TUBGCP6: variants seen among roughly 807,000 people sequenced by gnomAD.
TUBGCP6 encodes the protein gamma-tubulin complex component 6.
In TUBGCP6, 161 loss-of-function variants were observed where a neutral mutation model predicts 175.8. The observed-to-expected ratio is 0.92, with a 90% CI of 0.81 to 1.04. The LOEUF (loss-of-function observed/expected upper bound fraction) is 1.04. Among genes scored for constraint, TUBGCP6 ranks in the 50% least tolerant of loss-of-function variants. The probability of loss-of-function intolerance (pLI) is 0.00; values close to 1 mark genes in which losing one functional copy is unlikely to be tolerated. For synonymous variants in TUBGCP6, 1,173 were observed against 1,030.5 expected (o/e 1.14, Z -2.65); for missense variants, 2,572 against 2,433.0 (o/e 1.06, Z -1.20).
In TUBGCP6 at chr22:50,220,764, C is replaced by A; in HGVS notation, c.3595G>T (p.Gly1199Trp). Residue 1199 changes from glycine (G) to tryptophan (W), a missense_variant, in exon 16 of 25, where the codon GGG becomes TGG. By Grantham distance (184) the Gly-to-Trp change is radical (BLOSUM62 -2). Coordinates refer to ENST00000248846, the MANE Select transcript of TUBGCP6 (RefSeq NM_020461.4). ...GGAGCCATGTCTGACACAGACTCCCCCAAGCTGATGCTGGCATCAGACACG... is the reference window on the plus strand; with the variant it reads ...GGAGCCATGTCTGACACAGACTCCCACAAGCTGATGCTGGCATCAGACACG... ...GHVSDASISL[G>W]ESVSDMAPTR... 1 of 1,604,724 alleles carries A rather than the reference C, an allele frequency of 6.2e-7. No individual in the cohort carries two copies. The highest frequency in any genetic ancestry group is 8.5e-7 in the Non-Finnish European group (1 of 1,177,292).
rs1442345659 is a variant in TUBGCP6, at chr22:50,225,733, G to A, written c.1983+61C>T. The stretch of plus-strand genomic sequence containing the variant: ...GCCCTCATGTCCGCCCCACCAACCT[G>A]AGACCCCAGGAAGCAGAGGCAGGGG... On this transcript the variant is annotated intron_variant, in intron 10 of 24. Coordinates refer to ENST00000248846, the MANE Select transcript of TUBGCP6 (RefSeq NM_020461.4). 20 of 1,557,232 alleles carry A rather than the reference G, an allele frequency of 1.3e-5. No individual in the cohort carries two copies. The Admixed American group carries it at 3.1e-4, about 24-fold the overall frequency.
In TUBGCP6 at chr22:50,244,919, C is replaced by T; in HGVS notation, c.-460G>A. 4.7e-6 allele frequency: 1 copy of T among 211,012 alleles called. No individual in the cohort carries two copies. Among genetic ancestry groups the T allele is most frequent in the South Asian group, 7.1e-5 (1 of 14,116 alleles). The allele number at this position is 211,012 out of a possible 1,614,324, so 13.1% of individuals were successfully genotyped here. On this transcript the variant is annotated 5_prime_UTR_variant, in exon 1 of 25. Coordinates refer to ENST00000248846, the MANE Select transcript of TUBGCP6 (RefSeq NM_020461.4). The stretch of plus-strand genomic sequence containing the variant: ...GTCTGGGGGCTCAGCCGGGTGGGTC[C>T]CGGGTTCTGGCCTGCACGTCCACCC...
intron 1 of TUBGCP6, among the ~76,000 whole-genome samples, chr22:50,242,108 C>G (rs2064847283): frequency 6.6e-6 from 1 of 151,018 alleles, no homozygotes. Flanking sequence ...CTGGCTAACA[C>G]GGTGAAACCC....
intron 5 of TUBGCP6, 141 bp from the exon 6 acceptor site, chr22:50,227,218 C>T (rs937063281): frequency 6.1e-5 from 45 of 740,354 alleles, no homozygotes; most frequent in Non-Finnish European, 8.8e-5. Context: ...ACCACAGGCA[C>T]CCCAACCACC....
At chr22:50,235,899 C>G (rs566803569) in intron 2 of TUBGCP6, among the ~76,000 whole-genome samples, 2 of 149,184 alleles carry the variant, frequency 1.3e-5, no homozygotes, top group African/African-American at 4.9e-5. Flanking sequence ...AAGATCGTGC[C>G]ACTGCACTCC....
chr22:50,242,563 T>A (rs1457513243), intron 1 of TUBGCP6, among the ~76,000 whole-genome samples: 2 of 152,200 alleles, frequency 1.3e-5, no homozygotes, highest in Non-Finnish European at 2.9e-5. Context: ...TTCTAAATCA[T>A]CTAGCTATCG....
rs1312284209 is a variant in TUBGCP6, at chr22:50,244,414, G to C, written c.46C>G (p.Leu16Val). ...QLFDDLCEALLPAAKTHLGQR... is the reference protein window; with the variant it reads ...QLFDDLCEALVPAAKTHLGQR... ...CCCAGGTGAGTCTTGGCAGCCGGCA[G>C]GAGGGCCTCACACAGGTCGTCGAAC... The change falls in exon 1 of 25, where the codon CTG becomes GTG. Residue 16 changes from leucine (L) to valine (V), a missense_variant. Physicochemically the swap from Leu to Val is conservative, Grantham distance 32. Transcript: ENST00000248846. 1.2e-6 allele frequency: 2 copies of C among 1,613,066 alleles called. No homozygotes were observed. Among genetic ancestry groups the C allele is most frequent in the Non-Finnish European group, 1.7e-6 (2 of 1,179,988 alleles).
chr22:50,235,258 G>GTCCACGGCAACATCCACATGCCTA (rs2064757120), intron 2 of TUBGCP6, among the ~76,000 whole-genome samples: 1 of 151,788 alleles, frequency 6.6e-6, no homozygotes, highest in Admixed American at 6.6e-5. Context: ...CCACATCCCT[G>GTCCACGGCAACATCCACATGCCTA]TCCACGGCAA....
chr22:50,219,948 C>T lies in TUBGCP6; in HGVS notation c.4167+9G>A, dbSNP rs776684537. On this transcript the variant is annotated intron_variant, in intron 17 of 24. Coordinates refer to ENST00000248846, the MANE Select transcript of TUBGCP6 (RefSeq NM_020461.4). ...CTGCTGTGGGACCCCCAGGCTGCAT[C>T]CACCTAACCTGTGAGTTGAGAGGCC... 32 of 1,613,880 alleles carry T rather than the reference C, an allele frequency of 2.0e-5. No individual in the cohort carries two copies. Among genetic ancestry groups the T allele is most frequent in the Non-Finnish European group, 2.7e-5 (32 of 1,179,942 alleles).
In TUBGCP6 at chr22:50,220,268, C is replaced by G. The variant is rs1178058039; in HGVS notation, c.4091G>C (p.Ser1364Thr). 1.3e-6 allele frequency: 2 copies of G among 1,561,292 alleles called. No homozygotes were observed. The highest frequency in any genetic ancestry group is 4.5e-5 in the East Asian group (2 of 44,240). ...ACTCTGACCTAGTTCTTCAGAGACACTGTCTCCCGGGGTGTTGGGCCACCA... is the reference window on the plus strand; with the variant it reads ...ACTCTGACCTAGTTCTTCAGAGACAGTGTCTCCCGGGGTGTTGGGCCACCA... ...QPWWPNTPGD[S>T]VSEELGPGRS... Residue 1364 changes from serine (S) to threonine (T), a missense_variant, in exon 16 of 25, where the codon AGT becomes ACT. Physicochemically the swap from Ser to Thr is moderately conservative, Grantham distance 58. Coordinates refer to ENST00000248846, the MANE Select transcript of TUBGCP6 (RefSeq NM_020461.4).
At chr22:50,227,785 G>T in intron 5 of TUBGCP6, 122 bp downstream of exon 5, 1 of 1,372,180 alleles carries the variant, frequency 7.3e-7, no homozygotes, top group Non-Finnish European at 9.7e-7. Context: ...CCATCCGGTC[G>T]CCTGCTGAGG....
intron 5 of TUBGCP6, among the ~76,000 whole-genome samples, chr22:50,227,468 G>A (rs893148191): frequency 1.3e-5 from 2 of 152,138 alleles, no homozygotes; most frequent in African/African-American, 4.8e-5. Context: ...GCCCCACAGT[G>A]TCTCAGCCCT....
rs552645329 is a variant in TUBGCP6, at chr22:50,220,112, C to A, written c.4109-97G>T. 1.4e-5 allele frequency: 22 copies of A among 1,552,296 alleles called. No individual in the cohort carries two copies. The East Asian group carries it at 5.3e-4, about 37-fold the overall frequency. On this transcript the variant is annotated intron_variant, in intron 16 of 24. Coordinates refer to ENST00000248846, the MANE Select transcript of TUBGCP6 (RefSeq NM_020461.4). ...CTGGCTCAAGCAGCCCCTCCCATGT[C>A]CCCCACAGCAGCCCAGGTCCTGGCT...
chr22:50,220,185 CGCCT>C lies in TUBGCP6; in HGVS notation c.4108+62_4108+65del, dbSNP rs774127602. ...TTCACATGCCACCAACCCCACTGCCCGCCTACCTCCCAGGCTCTGTGCGTCCCAC... is the reference window on the plus strand; with the variant it reads ...TTCACATGCCACCAACCCCACTGCCCACCTCCCAGGCTCTGTGCGTCCCAC... On this transcript the variant is annotated intron_variant, in intron 16 of 24. Transcript: ENST00000248846. 473 of 1,548,910 alleles carry C rather than the reference CGCCT, an allele frequency of 3.1e-4. 3 individuals carry two copies. Among genetic ancestry groups the C allele is most frequent in the Non-Finnish European group, 4.9e-5 (56 of 1,141,918 alleles).
intron 2 of TUBGCP6, among the ~76,000 whole-genome samples, chr22:50,234,401 TGTCCACAGCAGC>T (rs1417141685): frequency 4.1e-5 from 5 of 120,902 alleles, no homozygotes; most frequent in African/African-American, 1.6e-4. Flanking sequence ...TCCACACCCC[TGTCCACAGCAGC>T]ATCCACACCC....
Position 50,225,759 on chromosome 22 carries a change from C to T in TUBGCP6, c.1983+35G>A, listed in dbSNP as rs370670096. ...AGACCCCAGGAAGCAGAGGCAGGGG[C>T]GAAGAAAGCCCCCGAGACCTGTGGT... is the stretch of plus-strand genomic sequence containing the variant. On this transcript the variant is annotated intron_variant, in intron 10 of 24. Coordinates refer to ENST00000248846, the MANE Select transcript of TUBGCP6 (RefSeq NM_020461.4). 53 of 1,586,572 alleles carry T rather than the reference C, an allele frequency of 3.3e-5. No individual in the cohort carries two copies. In the African/African-American group the frequency reaches 4.7e-4, roughly 14 times the overall value.
chr22:50,224,644 C>G (rs775086331), intron 10 of TUBGCP6, 52 bp from the exon 11 acceptor site: 17 of 1,587,126 alleles, frequency 1.1e-5, no homozygotes, highest in Admixed American at 1.7e-5. Flanking sequence ...CAGTGGCTCA[C>G]GCCTGTAATC....
At chr22:50,238,308 T>C (rs1466938262) in intron 2 of TUBGCP6, among the ~76,000 whole-genome samples, 3 of 150,780 alleles carry the variant, frequency 2.0e-5, no homozygotes, top group Non-Finnish European at 3.0e-5. Context: ...TAGCTGGGCA[T>C]GGTGGCAGGT....
chr22:50,237,794 A>G (rs958776549), intron 2 of TUBGCP6, among the ~76,000 whole-genome samples: 42 of 152,358 alleles, frequency 2.8e-4, no homozygotes, highest in Admixed American at 2.2e-3. Flanking sequence ...CCTCATCAGC[A>G]ACCCGAAAAA....
Sources: gnomAD v4.1 joint callset for allele counts (sites outside exome capture counted in the v4.1 genomes callset) on GRCh38, gnomAD v4.1.1 for gene constraint, MANE v1.5 for transcripts, NCBI Gene and HGNC (gene_info 2026-07-23, HGNC 2026-07-21) for gene names.